Variants in FMN1 observed in about 807,000 individuals in gnomAD.
FMN1 encodes formin-1.
A neutral mutation model predicts 132.4 loss-of-function variants in FMN1; 110 were observed. That is an observed-to-expected ratio of 0.83 (90% CI 0.71 to 0.97). FMN1 has a LOEUF of 0.97. FMN1 is among the 50% of genes least tolerant of loss of function. The pLI is 0.00. For missense variants in FMN1, 1,792 were observed against 1,705.3 expected, an observed-to-expected ratio of 1.05 and a Z score of -0.90; for synonymous variants, 722 against 651.7, an observed-to-expected ratio of 1.11 and a Z score of -1.64.
At chr15:33,158,992 A>T (rs1051666263) in intron 3 of FMN1, among the ~76,000 whole-genome samples, 1 of 152,156 alleles carries the variant, frequency 6.6e-6, no homozygotes, top group African/African-American at 2.4e-5. Context: ...CAGCCTGACC[A>T]ACATGGTAAA....
At chr15:33,021,674 G>C (rs992297008) in intron 6 of FMN1, among the ~76,000 whole-genome samples, 5 of 152,114 alleles carry the variant, frequency 3.3e-5, no homozygotes, top group African/African-American at 1.2e-4. Flanking sequence ...GAGACCATTT[G>C]ATGGACACCT....
At chr15:32,786,833 G>A (rs1055903986) in intron 19 of FMN1, among the ~76,000 whole-genome samples, 2 of 152,184 alleles carry the variant, frequency 1.3e-5, no homozygotes, top group African/African-American at 4.8e-5. Context: ...CTGGTGGCCT[G>A]AACATCAGAA....
At chr15:33,078,771 T>C (rs2038327746) in intron 5 of FMN1, among the ~76,000 whole-genome samples, 1 of 152,196 alleles carries the variant, frequency 6.6e-6, no homozygotes, top group Non-Finnish European at 1.5e-5. Context: ...GTTGTAATTT[T>C]AACCACAAAT....
chr15:32,791,990 A>G (rs1183543399), intron 19 of FMN1, among the ~76,000 whole-genome samples: 2 of 152,186 alleles, frequency 1.3e-5, no homozygotes, highest in East Asian at 3.9e-4. Context: ...CTAACAAAAC[A>G]GAGAATAGAG....
rs564471650 is a variant in FMN1 at position 32,766,468 on chromosome 15, G to A, written c.*7842C>T. On this transcript the variant is annotated 3_prime_UTR_variant, in exon 21 of 21. Transcript: ENST00000616417. ...CCGGTCTGATGTACAAATTTATCAA[G>A]AGAATGGCCTTAATTAGTTTAAGGT... 1 of 152,158 alleles carries A rather than the reference G, an allele frequency of 6.6e-6. No individual in the cohort carries two copies. Among genetic ancestry groups the A allele is most frequent in the African/African-American group, 2.4e-5 (1 of 41,534 alleles). 9.4% of individuals were successfully genotyped at this position (152,158 alleles called of 1,614,324 possible).
rs147129960 is a variant in FMN1, at chr15:33,019,557, G to C, written c.2162-11482C>G. Among the ~76,000 whole-genome samples, 353 of 152,300 alleles carry C rather than the reference G, an allele frequency of 2.3e-3. 3 individuals carry two copies. The highest frequency in any genetic ancestry group is 7.9e-3 in the African/African-American group (330 of 41,572). On this transcript the variant is annotated intron_variant, in intron 6 of 20. Coordinates refer to ENST00000616417, the MANE Select transcript of FMN1 (RefSeq NM_001277313.2). ...GGCGGCGCTTGTCGGGGAGGCTCTGGCAGCGCAGAAGCCCGGGGCGGTGCG... is the reference window on the plus strand; with the variant it reads ...GGCGGCGCTTGTCGGGGAGGCTCTGCCAGCGCAGAAGCCCGGGGCGGTGCG...
intron 17 of FMN1, among the ~76,000 whole-genome samples, chr15:32,847,639 G>C (rs1484041789): frequency 6.6e-6 from 1 of 152,196 alleles, no homozygotes; most frequent in Non-Finnish European, 1.5e-5. Flanking sequence ...CGGATCACAA[G>C]GTCAGGAGAT....
At chr15:32,929,027 A>T (rs933108434) in intron 9 of FMN1, among the ~76,000 whole-genome samples, 1 of 152,174 alleles carries the variant, frequency 6.6e-6, no homozygotes, top group Non-Finnish European at 1.5e-5. Flanking sequence ...GGATGTTATC[A>T]CCATAAGCCA....
intron 17 of FMN1, among the ~76,000 whole-genome samples, chr15:32,829,729 ACT>A (rs1274704363): frequency 1.3e-5 from 2 of 152,002 alleles, no homozygotes; most frequent in African/African-American, 2.4e-5. Context: ...CATGTAAATC[ACT>A]CTTTTACCTG....
chr15:32,832,832 G>A lies in FMN1; in HGVS notation c.3928+24183C>T, dbSNP rs142085330. 3.2e-3 allele frequency among the ~76,000 whole-genome samples: 482 copies of A among 152,208 alleles called. 5 individuals are homozygous for A. Among genetic ancestry groups the A allele is most frequent in the African/African-American group, 0.011 (468 of 41,528 alleles). On this transcript the variant is annotated intron_variant, in intron 17 of 20. Transcript: ENST00000616417. Reference sequence around the variant, plus strand: ...TAATCCAAGGCCTGATGATACGGGGGTTATTTGCTGAAGCTTCTATTTCAA... The same window carrying A: ...TAATCCAAGGCCTGATGATACGGGGATTATTTGCTGAAGCTTCTATTTCAA...
At chr15:33,014,792 A>C (rs1279722499) in intron 6 of FMN1, among the ~76,000 whole-genome samples, 1 of 152,244 alleles carries the variant, frequency 6.6e-6, no homozygotes, top group African/African-American at 2.4e-5. Flanking sequence ...GTCATTACAA[A>C]GTTTGTGCCC....
intron 6 of FMN1, chr15:33,013,033 G>C (rs1044996787): frequency 2.4e-6 from 1 of 410,144 alleles, no homozygotes; most frequent in African/African-American, 2.1e-5. Context: ...AGGCTATAGG[G>C]GTAGCACTAG....
intron 5 of FMN1, chr15:33,066,538 T>C: frequency 1.3e-6 from 2 of 1,569,282 alleles, no homozygotes; most frequent in Non-Finnish European, 1.7e-6. Context: ...GGCCATCCGC[T>C]GGCTTAGAAT....
intron 19 of FMN1, among the ~76,000 whole-genome samples, chr15:32,789,854 T>TA (rs2057010536): frequency 6.6e-6 from 1 of 152,230 alleles, no homozygotes; most frequent in East Asian, 1.9e-4. Flanking sequence ...ACCATTGTGT[T>TA]ACAATTATAT....
chr15:33,012,285 G>A, intron 6 of FMN1: 1 of 743,452 alleles, frequency 1.3e-6, no homozygotes, highest in African/African-American at 1.7e-5. Context: ...TATTCCAGAG[G>A]CTTTGGGTTT....
At chr15:32,949,892 G>C (rs1267183606) in intron 9 of FMN1, among the ~76,000 whole-genome samples, 1 of 133,620 alleles carries the variant, frequency 7.5e-6, no homozygotes, top group East Asian at 2.2e-4. Flanking sequence ...GTGGGCAAAG[G>C]ACATGAACAG....
At chr15:32,951,910 G>A (rs1371855064) in intron 9 of FMN1, among the ~76,000 whole-genome samples, 1 of 152,186 alleles carries the variant, frequency 6.6e-6, no homozygotes, top group East Asian at 1.9e-4. Flanking sequence ...ACCACACTGG[G>A]CATGCTAGAG....
chr15:32,953,591 G>A (rs1240268562), intron 9 of FMN1, among the ~76,000 whole-genome samples: 1 of 152,194 alleles, frequency 6.6e-6, no homozygotes, highest in Non-Finnish European at 1.5e-5. Flanking sequence ...AATTGGAAGT[G>A]TGGCCATAGC....
chr15:33,095,091 TA>T (rs776019430), intron 4 of FMN1, among the ~76,000 whole-genome samples: 11 of 152,192 alleles, frequency 7.2e-5, no homozygotes, highest in Non-Finnish European at 1.2e-4. Context: ...CCCACCCCTG[TA>T]ATTCCAGCAC....
Sources: gnomAD v4.1 joint callset for allele counts (sites outside exome capture counted in the v4.1 genomes callset) on GRCh38, gnomAD v4.1.1 for gene constraint, MANE v1.5 for transcripts, NCBI Gene and HGNC (gene_info 2026-07-23, HGNC 2026-07-21) for gene names.